Variants in TAFA5 observed in about 807,000 individuals in gnomAD.
TAFA5 encodes chemokine-like protein TAFA-5.
Under a neutral mutation model 15.3 loss-of-function variants are expected in TAFA5, and 6 were observed. That is an observed-to-expected ratio of 0.39 (90% confidence interval 0.21 to 0.77). The LOEUF (loss-of-function observed/expected upper bound fraction) is 0.77, where lower values mean the gene tolerates loss of function less well. TAFA5 is among the 30% of genes least tolerant of loss of function. TAFA5 has a pLI of 0.41. For synonymous variants in TAFA5, 103 were observed against 80.7 expected, an observed-to-expected ratio of 1.28 and a Z score of -1.48; for missense variants, 161 against 193.1, an observed-to-expected ratio of 0.83 and a Z score of 0.98.
At chr22:48,693,812 G>A (rs529503560) in intron 2 of TAFA5, among the ~76,000 whole-genome samples, 1 of 152,278 alleles carries the variant, frequency 6.6e-6, no homozygotes, top group Admixed American at 6.5e-5. Flanking sequence ...ACCCAGCTGT[G>A]GGGTGTGGTC....
intron 1 of TAFA5, among the ~76,000 whole-genome samples, chr22:48,496,946 A>G (rs1035280675): frequency 6.6e-6 from 1 of 152,196 alleles, no homozygotes; most frequent in Non-Finnish European, 1.5e-5. Context: ...TTCACCTTCC[A>G]GAAAGAGGCT....
intron 1 of TAFA5, among the ~76,000 whole-genome samples, chr22:48,534,550 G>A (rs1922085196): frequency 6.6e-6 from 1 of 152,178 alleles, no homozygotes; most frequent in Non-Finnish European, 1.5e-5. Context: ...GCCTGAGGGA[G>A]GCTGCAGTTG....
At chr22:48,502,411 T>TTCCC (rs1555923148) in intron 1 of TAFA5, among the ~76,000 whole-genome samples, 1,698 of 151,872 alleles carry the variant, frequency 0.011, 15 homozygotes, top group Admixed American at 0.028. Context: ...CTGGGGGAGC[T>TTCCC]GGGAGTACTT....
chr22:48,722,562 G>C (rs1225132372), intron 3 of TAFA5, among the ~76,000 whole-genome samples: 2 of 152,154 alleles, frequency 1.3e-5, no homozygotes, highest in Non-Finnish European at 2.9e-5. Flanking sequence ...TGTCGGGGTG[G>C]GGGGCTAGGG....
At chr22:48,600,867 C>T (rs1188478632) in intron 1 of TAFA5, among the ~76,000 whole-genome samples, 10 of 152,234 alleles carry the variant, frequency 6.6e-5, no homozygotes, top group African/African-American at 2.4e-4. Flanking sequence ...GATTGACTGT[C>T]GCGGCGAGGC....
chr22:48,693,891 C>T (rs886845458), intron 2 of TAFA5, among the ~76,000 whole-genome samples: 1 of 152,150 alleles, frequency 6.6e-6, no homozygotes, highest in South Asian at 2.1e-4. Context: ...CAGATGGTGC[C>T]CCGGGTGTTT....
intron 1 of TAFA5, among the ~76,000 whole-genome samples, chr22:48,555,277 C>A (rs995263850): frequency 2.0e-5 from 3 of 152,238 alleles, no homozygotes; most frequent in African/African-American, 7.2e-5. Flanking sequence ...TCCTAAGCGG[C>A]ACGACCGGCT....
intron 1 of TAFA5, among the ~76,000 whole-genome samples, chr22:48,589,627 A>C (rs1321011498): frequency 6.6e-6 from 1 of 152,218 alleles, no homozygotes; most frequent in Non-Finnish European, 1.5e-5. Context: ...CAGGTTCTCA[A>C]GATGATGGTG....
At chr22:48,586,478 G>C (rs537878731) in intron 1 of TAFA5, among the ~76,000 whole-genome samples, 2 of 152,324 alleles carry the variant, frequency 1.3e-5, no homozygotes, top group South Asian at 2.1e-4. Flanking sequence ...GTGGAAGCCC[G>C]AGGACTTCCA....
chr22:48,718,843 T>C (rs527530216), intron 3 of TAFA5, among the ~76,000 whole-genome samples: 1 of 152,300 alleles, frequency 6.6e-6, no homozygotes, highest in African/African-American at 2.4e-5. Context: ...GCACCAGGCT[T>C]GCCCTGCAGA....
Position 48,742,346 on chromosome 22 carries a change from C to T in TAFA5, c.391-7493C>T, listed in dbSNP as rs1930204120. The stretch of plus-strand genomic sequence containing the variant: ...TCCTGGTGTTGAGAAACCTGCTTCA[C>T]AGCGGAGGACACAGACAGCAGAGTC... On this transcript the variant is annotated intron_variant, in intron 3 of 3. Transcript: ENST00000402357. This position sits in a 1 kb window ranked among gnomAD's most constrained non-coding sequence, Gnocchi z 6.2. 6.6e-6 allele frequency among the ~76,000 whole-genome samples: 1 copy of T among 152,240 alleles called. No homozygotes were observed. The highest frequency in any genetic ancestry group is 2.4e-5 in the African/African-American group (1 of 41,462).
chr22:48,748,256 T>C (rs1930385421), intron 3 of TAFA5, among the ~76,000 whole-genome samples: 1 of 152,252 alleles, frequency 6.6e-6, no homozygotes, highest in Admixed American at 6.5e-5. Flanking sequence ...GGGCCAATTC[T>C]GAGCCCTCTG....
At chr22:48,584,142 C>A (rs940065762) in intron 1 of TAFA5, among the ~76,000 whole-genome samples, 15 of 147,288 alleles carry the variant, frequency 1.0e-4, no homozygotes, top group African/African-American at 3.0e-4. Flanking sequence ...CACACACCCC[C>A]CCACAAAACA....
chr22:48,535,946 T>G (rs1443610960), intron 1 of TAFA5, among the ~76,000 whole-genome samples: 1 of 152,192 alleles, frequency 6.6e-6, no homozygotes, highest in African/African-American at 2.4e-5. Flanking sequence ...GCACACACAT[T>G]ACACACATTT....
At chr22:48,590,617 A>T (rs963452799) in intron 1 of TAFA5, among the ~76,000 whole-genome samples, 1 of 152,132 alleles carries the variant, frequency 6.6e-6, no homozygotes, top group East Asian at 1.9e-4. Flanking sequence ...GGGCTGCCAT[A>T]CACAGACCCA....
At chr22:48,711,329 G>A (rs984721130) in intron 3 of TAFA5, among the ~76,000 whole-genome samples, 11 of 151,938 alleles carry the variant, frequency 7.2e-5, no homozygotes, top group South Asian at 2.1e-4. Context: ...TTGCTATGGC[G>A]GGGGCACCTT....
chr22:48,620,601 A>ACCCACCCACCCACCATCC (rs1925767627), intron 1 of TAFA5, among the ~76,000 whole-genome samples: 1 of 16,778 alleles, frequency 6.0e-5, no homozygotes, highest in African/African-American at 2.9e-4. Flanking sequence ...CCACCCCCCT[A>ACCCACCCACCCACCATCC]CCCATCCTAT....
intron 1 of TAFA5, among the ~76,000 whole-genome samples, chr22:48,632,054 A>C: frequency 6.6e-6 from 1 of 152,230 alleles, no homozygotes; most frequent in East Asian, 1.9e-4. Flanking sequence ...TGTGAAAACC[A>C]GGAATCCACA....
chr22:48,627,414 C>T (rs1200865205), intron 1 of TAFA5, among the ~76,000 whole-genome samples: 1 of 152,248 alleles, frequency 6.6e-6, no homozygotes, highest in Non-Finnish European at 1.5e-5. Flanking sequence ...CGTCAGCACC[C>T]AGAGGGCGCC....
Sources: allele counts gnomAD v4.1 joint callset (sites outside exome capture counted in the v4.1 genomes callset), GRCh38; gene constraint gnomAD v4.1.1; non-coding constraint Gnocchi (gnomAD v3.1); transcripts MANE v1.5; gene names NCBI Gene and HGNC (gene_info 2026-07-23, HGNC 2026-07-21).